MKLN1: variants seen among roughly 807,000 people sequenced by gnomAD.
MKLN1 encodes the protein muskelin 1.
In MKLN1, 18 loss-of-function variants were observed where a neutral mutation model predicts 99.0. The observed-to-expected ratio is 0.18, with a 90% CI of 0.13 to 0.27. The LOEUF is 0.27. Ranked by LOEUF, MKLN1 falls within the 10% of genes least tolerant of loss-of-function variation. The pLI, the probability that MKLN1 is intolerant of heterozygous loss-of-function variation, is 1.00. For synonymous variants in MKLN1, 288 were observed against 293.2 expected (o/e 0.98, Z 0.18); for missense variants, 621 against 875.9 (o/e 0.71, Z 3.67).
chr7:131,472,302 A>G (rs1433352633), intron 16 of MKLN1: 1 of 152,246 alleles, frequency 6.6e-6, no homozygotes, highest in Non-Finnish European at 1.5e-5. Flanking sequence ...CCAAAACAAA[A>G]TATTTCAAAG....
intron 3 of MKLN1, among the ~76,000 whole-genome samples, chr7:131,221,817 G>A (rs934739820): frequency 5.4e-5 from 8 of 148,492 alleles, no homozygotes; most frequent in Admixed American, 3.4e-4. Flanking sequence ...CACCATGCCC[G>A]GCCTCTTGCC....
At chr7:131,166,771 C>T (rs796753696) in intron 2 of MKLN1, among the ~76,000 whole-genome samples, 12 of 152,266 alleles carry the variant, frequency 7.9e-5, no homozygotes, top group South Asian at 6.2e-4. Flanking sequence ...CTGCAACCTC[C>T]GTCTCCTGGG....
chr7:131,162,917 A>G (rs1334331209), intron 2 of MKLN1, among the ~76,000 whole-genome samples: 1 of 152,232 alleles, frequency 6.6e-6, no homozygotes, highest in East Asian at 1.9e-4. Context: ...GAAAATGTTA[A>G]ATCACACATG....
chr7:131,322,304 CATGAT>C (rs1798794162), intron 3 of MKLN1, among the ~76,000 whole-genome samples: 2 of 152,134 alleles, frequency 1.3e-5, no homozygotes, highest in Admixed American at 6.5e-5. Context: ...ATTTTAAAGA[CATGAT>C]AAGATTTAAA....
intron 3 of MKLN1, among the ~76,000 whole-genome samples, chr7:131,264,217 A>G (rs1253239279): frequency 6.6e-6 from 1 of 152,200 alleles, no homozygotes. Flanking sequence ...GAATTCAGAT[A>G]CAGGAGAATC....
intron 3 of MKLN1, among the ~76,000 whole-genome samples, chr7:131,230,475 T>C (rs2116473206): frequency 6.6e-6 from 1 of 152,350 alleles, no homozygotes; most frequent in East Asian, 1.9e-4. Context: ...GTTACTTTCA[T>C]ATGTAGTCCC....
chr7:131,362,129 A>T (rs953749684), intron 1 of MKLN1, among the ~76,000 whole-genome samples: 1 of 152,064 alleles, frequency 6.6e-6, no homozygotes, highest in African/African-American at 2.4e-5. Flanking sequence ...TGAGTATAAA[A>T]TACCTGTTTA....
At chr7:131,326,148 A>G (rs1798884392), upstream of MKLN1, among the ~76,000 whole-genome samples, 1 of 152,156 alleles carries the variant, frequency 6.6e-6, no homozygotes. Flanking sequence ...GAGTGAGTTA[A>G]TTCCTCCCCT....
intron 17 of MKLN1, among the ~76,000 whole-genome samples, chr7:131,484,718 GAC>G (rs1797225203): frequency 6.6e-6 from 1 of 152,144 alleles, no homozygotes; most frequent in African/African-American, 2.4e-5. Context: ...ACAGTGCTTA[GAC>G]TGTATACTTT....
intron 2 of MKLN1, among the ~76,000 whole-genome samples, chr7:131,196,909 C>T (rs765865167): frequency 6.6e-6 from 1 of 152,126 alleles, no homozygotes; most frequent in African/African-American, 2.4e-5. Flanking sequence ...CACCCCTCTC[C>T]CTGGTCAAGA....
intron 8 of MKLN1, among the ~76,000 whole-genome samples, chr7:131,415,372 C>T (rs549520609): frequency 1.3e-5 from 2 of 152,164 alleles, no homozygotes; most frequent in Admixed American, 1.3e-4. Flanking sequence ...CTCAATTATA[C>T]TGTGTGTTAT....
At chr7:131,473,267 A>G (rs760423872) in intron 16 of MKLN1, among the ~76,000 whole-genome samples, 9 of 152,180 alleles carry the variant, frequency 5.9e-5, no homozygotes, top group Non-Finnish European at 1.0e-4. Context: ...CATTTTCTAT[A>G]GTAACTTGTT....
chr7:131,275,551 ATATATATATATATATATT>A (rs1285630089), intron 3 of MKLN1, among the ~76,000 whole-genome samples: 22 of 15,380 alleles, frequency 1.4e-3, no homozygotes, highest in African/African-American at 2.4e-3. Context: ...ATATATATAT[ATATATATATATATATATT>A]TTTTTTTTTT....
chr7:131,186,188 C>T (rs1054956573), intron 2 of MKLN1, among the ~76,000 whole-genome samples: 1 of 145,206 alleles, frequency 6.9e-6, no homozygotes, highest in Admixed American at 6.8e-5. Flanking sequence ...AAGACTCCGT[C>T]TCAAAAACAA....
At chr7:131,238,977 G>C (rs1219018206) in intron 3 of MKLN1, among the ~76,000 whole-genome samples, 1 of 152,132 alleles carries the variant, frequency 6.6e-6, no homozygotes, top group Non-Finnish European at 1.5e-5. Context: ...AGCTGCAAGG[G>C]AGGCTTAGAA....
chr7:131,388,864 G>C lies in MKLN1; in HGVS notation c.312-20G>C, dbSNP rs184861953. 1.9e-4 allele frequency: 298 copies of C among 1,538,290 alleles called. 1 individual carries two copies. The African/African-American group carries it at 3.5e-3, about 18-fold the overall frequency. ...CTAAATTATGAAGTCAGATTTAATA[G>C]CCTTATTTTTTTCCCACAGTGGCTT... is the stretch of plus-strand genomic sequence containing the variant. On this transcript the variant is annotated intron_variant, in intron 3 of 17. Coordinates refer to ENST00000352689, the MANE Select transcript of MKLN1 (RefSeq NM_013255.5).
intron 1 of MKLN1, among the ~76,000 whole-genome samples, chr7:131,334,901 G>T (rs900099255): frequency 7.2e-5 from 11 of 152,118 alleles, no homozygotes; most frequent in Admixed American, 3.3e-4. Context: ...ATTACTGTTT[G>T]TTTATAATAC....
chr7:131,440,681 G>C (rs1795811969), intron 10 of MKLN1, among the ~76,000 whole-genome samples: 1 of 151,564 alleles, frequency 6.6e-6, no homozygotes. Flanking sequence ...AGGTAAAAAT[G>C]ATTAACCAGG....
At chr7:131,299,519 A>C (rs528783707) in intron 3 of MKLN1, among the ~76,000 whole-genome samples, 1 of 152,230 alleles carries the variant, frequency 6.6e-6, no homozygotes, top group South Asian at 2.1e-4. Flanking sequence ...AAACTAATAG[A>C]ATATCTCATT....
Sources: gnomAD v4.1 joint callset for allele counts (sites outside exome capture counted in the v4.1 genomes callset) on GRCh38, gnomAD v4.1.1 for gene constraint, MANE v1.5 for transcripts, NCBI Gene and HGNC (gene_info 2026-07-23, HGNC 2026-07-21) for gene names.